Variants in PARP4 observed in about 807,000 individuals in gnomAD.
PARP4 encodes poly(ADP-ribose) polymerase family member 4, also known as protein mono-ADP-ribosyltransferase PARP4.
A neutral mutation model predicts 187.7 loss-of-function variants in PARP4; 120 were observed. That is an observed-to-expected ratio of 0.64 (90% CI 0.55 to 0.74). The LOEUF is 0.74. Among genes scored for constraint, PARP4 ranks in the 30% least tolerant of loss-of-function variants. The pLI is 0.00. For synonymous variants in PARP4, 654 were observed against 740.9 expected, an observed-to-expected ratio of 0.88 and a Z score of 1.90; for missense variants, 1,836 against 2,070.5, an observed-to-expected ratio of 0.89 and a Z score of 2.20.
intron 32 of PARP4, among the ~76,000 whole-genome samples, chr13:24,428,003 G>A (rs988841828): frequency 4.6e-5 from 7 of 151,982 alleles, no homozygotes; most frequent in Admixed American, 3.9e-4. Flanking sequence ...AAATTCAGAA[G>A]GAGAGGGGAT....
At chr13:24,506,776 G>C (rs1390253597) in intron 1 of PARP4, among the ~76,000 whole-genome samples, 1 of 152,232 alleles carries the variant, frequency 6.6e-6, no homozygotes, top group Non-Finnish European at 1.5e-5. Context: ...TCCCATGCCA[G>C]GGCCGCAGGT....
At chr13:24,442,454 C>T in intron 29 of PARP4, 136 bp downstream of exon 29, 1 of 658,970 alleles carries the variant, frequency 1.5e-6, no homozygotes, top group Non-Finnish European at 2.7e-6. Context: ...CTCGTGGGGC[C>T]TGCTGACCTG....
chr13:24,500,311 A>T lies in PARP4; in HGVS notation c.401+5T>A, dbSNP rs754464189. On this transcript the variant is annotated splice_donor_5th_base_variant and intron_variant, in intron 4 of 33. Transcript: ENST00000381989. ...AGTCCCAGGAATCAGAAAGAAGTAA[A>T]TTACTCAGTGAGTTCCACAGTGTCT... 7.0e-6 allele frequency: 11 copies of T among 1,560,918 alleles called. No homozygotes were observed. The highest frequency in any genetic ancestry group is 9.6e-6 in the Non-Finnish European group (11 of 1,142,846).
At chr13:24,491,323 T>C (rs1566016839) in intron 9 of PARP4, among the ~76,000 whole-genome samples, 1 of 152,210 alleles carries the variant, frequency 6.6e-6, no homozygotes, top group Non-Finnish European at 1.5e-5. Flanking sequence ...GGTTTCACCA[T>C]GTTGGCCAGG....
intron 12 of PARP4, among the ~76,000 whole-genome samples, chr13:24,479,919 C>T (rs1314309539): frequency 1.3e-5 from 2 of 152,010 alleles, no homozygotes; most frequent in East Asian, 1.9e-4. Flanking sequence ...TCCTGAAGCC[C>T]GCGAGACCAC....
chr13:24,467,841 A>G (rs1057423585), intron 17 of PARP4, among the ~76,000 whole-genome samples: 2 of 152,204 alleles, frequency 1.3e-5, no homozygotes, highest in Non-Finnish European at 2.9e-5. Flanking sequence ...GGATAACCTG[A>G]TAATATTAAG....
rs1593665487 is a variant in PARP4 at position 24,510,509 on chromosome 13, C to G, written c.-2+2197G>C. Among the ~76,000 whole-genome samples, 4 of 146,042 alleles carry G rather than the reference C, an allele frequency of 2.7e-5. No individual in the cohort carries two copies. In the South Asian group the frequency reaches 6.6e-4, roughly 24 times the overall value. On this transcript the variant is annotated intron_variant, in intron 1 of 33. Transcript: ENST00000381989. ...GCGGAGCTTGCAGTGAGCGGAGATCCCGCCACTGCACTCCAGCCTGGGCGA... is the reference window on the plus strand; with the variant it reads ...GCGGAGCTTGCAGTGAGCGGAGATCGCGCCACTGCACTCCAGCCTGGGCGA...
rs1324328620 is a variant in PARP4, at chr13:24,434,663, G to A, written c.4478C>T (p.Thr1493Ile). ...LPEALCSQSR[T>I]TPVDLCLLEE... is the part of the protein sequence containing the mutation. ...TAGAAGACAGAGATCTACTGGGGTA[G>A]TCCGGGACTGACTGCAAAGAGCCTC... is the stretch of plus-strand genomic sequence containing the variant. The change falls in exon 31 of 34, where the codon ACT (threonine) becomes ATT (isoleucine). Residue 1493 changes from threonine to isoleucine, a missense_variant. This residue lies in a region of PARP4 where 450 missense variants were observed against 439.2 expected (regional missense o/e 1.02). Coordinates refer to ENST00000381989, the MANE Select transcript of PARP4 (RefSeq NM_006437.4). The A allele has an allele frequency of 4.2e-5, 67 of 1,614,122 alleles. No individual in the cohort carries two copies. Among genetic ancestry groups the A allele is most frequent in the Non-Finnish European group, 5.6e-5 (66 of 1,179,994 alleles).
In PARP4 at chr13:24,459,100, C is replaced by T; in HGVS notation, c.2368G>A (p.Glu790Lys). The T allele has an allele frequency of 6.2e-7, 1 of 1,610,232 alleles. No individual in the cohort carries two copies. Among genetic ancestry groups the T allele is most frequent in the Non-Finnish European group, 8.5e-7 (1 of 1,177,314 alleles). Residue 790 changes from glutamate to lysine, a missense_variant, in exon 20 of 34, where the codon GAG becomes AAG. By Grantham distance (56) the Glu-to-Lys change is moderately conservative. This residue lies in a region of PARP4 where 1,147 missense variants were observed against 1,214.2 expected (regional missense o/e 0.94). Coordinates refer to ENST00000381989, the MANE Select transcript of PARP4 (RefSeq NM_006437.4). The stretch of plus-strand genomic sequence containing the variant: ...ATGAATTCAATCACATACGGCATCT[C>T]AATAGACATAGTCAAAGAGAAGCTA... Reference protein sequence around the residue: ...KQSFSLTMSIEMPYVIEFIFS... With the variant: ...KQSFSLTMSIKMPYVIEFIFS...
At chr13:24,435,751 T>G (rs1870602815) in intron 30 of PARP4, among the ~76,000 whole-genome samples, 1 of 151,812 alleles carries the variant, frequency 6.6e-6, no homozygotes, top group Admixed American at 6.6e-5. Flanking sequence ...GCTCCATCTT[T>G]ACAAAAAATA....
In PARP4 at chr13:24,460,205, G is replaced by A. The variant is rs528752236; in HGVS notation, c.2134-69C>T. The A allele has an allele frequency of 6.6e-5, 87 of 1,325,006 alleles. 1 individual carries two copies. The South Asian group carries it at 9.7e-4, about 15-fold the overall frequency. 82.1% of individuals were successfully genotyped at this position (1,325,006 alleles called of 1,614,324 possible). On this transcript the variant is annotated intron_variant, in intron 17 of 33. Coordinates refer to ENST00000381989, the MANE Select transcript of PARP4 (RefSeq NM_006437.4). Reference sequence around the variant, plus strand: ...CCCATTATATGCCAGCTAACTCCACGTACTTCTTAAGCAACTTGAATGACA... The same window carrying A: ...CCCATTATATGCCAGCTAACTCCACATACTTCTTAAGCAACTTGAATGACA...
chr13:24,463,160 A>C (rs1872292827), intron 17 of PARP4, among the ~76,000 whole-genome samples: 1 of 152,322 alleles, frequency 6.6e-6, no homozygotes, highest in Non-Finnish European at 1.5e-5. Context: ...TCACATATAG[A>C]TGAACAACAC....
At chr13:24,462,430 G>C (rs1479476391) in intron 17 of PARP4, among the ~76,000 whole-genome samples, 1 of 152,188 alleles carries the variant, frequency 6.6e-6, no homozygotes, top group Non-Finnish European at 1.5e-5. Context: ...TAACCTGAAA[G>C]AACAGGAGTT....
At chr13:24,428,313 G>C (rs565541673) in intron 32 of PARP4, among the ~76,000 whole-genome samples, 39 of 151,316 alleles carry the variant, frequency 2.6e-4, no homozygotes, top group African/African-American at 9.1e-4. Flanking sequence ...TGTCCAGTCT[G>C]AACACTAAAC....
intron 10 of PARP4, among the ~76,000 whole-genome samples, chr13:24,488,438 C>A (rs1223598275): frequency 6.6e-6 from 1 of 152,202 alleles, no homozygotes; most frequent in Non-Finnish European, 1.5e-5. Context: ...ACTGCAACCT[C>A]CACCTCCCGG....
At chr13:24,510,540 C>T (rs894592575) in intron 1 of PARP4, among the ~76,000 whole-genome samples, 3 of 115,150 alleles carry the variant, frequency 2.6e-5, no homozygotes, top group African/African-American at 1.1e-4. Context: ...GGCGACAGAG[C>T]GAGACTCCGT....
At chr13:24,435,708 GGAGT>G (rs1304534182) in intron 30 of PARP4, among the ~76,000 whole-genome samples, 3 of 152,112 alleles carry the variant, frequency 2.0e-5, no homozygotes, top group African/African-American at 7.2e-5. Flanking sequence ...CTCAAGGCTA[GGAGT>G]TTGAGAACAG....
At chr13:24,440,477 G>A (rs1483606030) in intron 30 of PARP4, among the ~76,000 whole-genome samples, 1 of 148,742 alleles carries the variant, frequency 6.7e-6, no homozygotes. Flanking sequence ...CCACTTTTCA[G>A]CTTTCTGCCC....
chr13:24,431,819 T>C (rs1384891904), intron 31 of PARP4, among the ~76,000 whole-genome samples: 1 of 152,242 alleles, frequency 6.6e-6, no homozygotes, highest in Admixed American at 6.5e-5. Flanking sequence ...GTTTGGAACC[T>C]CATAAATGCT....
Sources: gnomAD v4.1 joint callset for allele counts (sites outside exome capture counted in the v4.1 genomes callset) on GRCh38, gnomAD v4.1.1 for gene constraint, gnomAD v4.1.1 regional missense constraint, MANE v1.5 for transcripts, NCBI Gene and HGNC (gene_info 2026-07-23, HGNC 2026-07-21) for gene names.